The following NSRP1 variants were observed in gnomAD, a reference collection of about 807,000 sequenced individuals.
NSRP1 encodes coiled-coil domain containing 55.
NSRP1 carries 24 observed loss-of-function variants against 54.7 expected under a neutral mutation model. The ratio of observed to expected loss-of-function variants is 0.44; its 90% CI spans 0.32 to 0.62. NSRP1 has a LOEUF of 0.62. NSRP1 is among the 20% of genes least tolerant of loss of function. The pLI, the probability that NSRP1 is intolerant of heterozygous loss-of-function variation, is 0.06. For missense variants in NSRP1, 596 were observed against 651.2 expected (o/e 0.92, Z 0.92); for synonymous variants, 210 against 213.8 (o/e 0.98, Z 0.15).
chr17:30,164,797 C>CA (rs1321208725), intron 2 of NSRP1, among the ~76,000 whole-genome samples: 10 of 149,924 alleles, frequency 6.7e-5, no homozygotes, highest in African/African-American at 2.0e-4. Context: ...GACCCTGTCT[C>CA]AAAAAAAAAG....
chr17:30,151,944 T>C (rs2071915658), intron 2 of NSRP1, among the ~76,000 whole-genome samples: 1 of 151,800 alleles, frequency 6.6e-6, no homozygotes, highest in Non-Finnish European at 1.5e-5. Flanking sequence ...TAATTTTGTA[T>C]TTTTAGTAGA....
intron 2 of NSRP1, among the ~76,000 whole-genome samples, chr17:30,161,901 T>C (rs1187553741): frequency 6.6e-6 from 1 of 152,198 alleles, no homozygotes; most frequent in African/African-American, 2.4e-5. Context: ...ACCAACATGA[T>C]AGATGATAAA....
intron 2 of NSRP1, chr17:30,144,176 C>T (rs1344020810): frequency 6.6e-6 from 1 of 151,754 alleles, no homozygotes; most frequent in African/African-American, 2.4e-5. Context: ...TATGCTTCTC[C>T]CACCTTTTGC....
intron 2 of NSRP1, among the ~76,000 whole-genome samples, chr17:30,153,642 T>G (rs1275274747): frequency 6.6e-6 from 1 of 152,010 alleles, no homozygotes; most frequent in Non-Finnish European, 1.5e-5. Context: ...AAATAAAGTT[T>G]TATTGGAACA....
chr17:30,117,759 G>GTT (rs79120191), intron 1 of NSRP1, among the ~76,000 whole-genome samples: 19 of 115,088 alleles, frequency 1.7e-4, no homozygotes, highest in Admixed American at 1.6e-4. Flanking sequence ...CACTACACAT[G>GTT]TTTTTTTTTT....
Position 30,184,979 on chromosome 17 carries a change from C to T in NSRP1, c.982C>T (p.Gln328Ter). 1 of 1,613,982 alleles carries T rather than the reference C, an allele frequency of 6.2e-7. No individual in the cohort carries two copies. Among genetic ancestry groups the T allele is most frequent in the South Asian group, 1.1e-5 (1 of 91,064 alleles). Reference sequence around the variant, plus strand: ...GCACCAGCAGAAGCAATCCAGAGACCAAGAGAACCATTACACTGACCGTGA... The same window carrying T: ...GCACCAGCAGAAGCAATCCAGAGACTAAGAGAACCATTACACTGACCGTGA... ...DQHQQKQSRDQENHYTDRDYR... is the reference protein window; with the variant it reads ...DQHQQKQSRD The change falls in exon 7 of 7, where the codon CAA becomes TAA. Residue 328 changes from glutamine to a stop codon, truncating the protein, a stop_gained. Transcript: ENST00000247026. LOFTEE classifies it high-confidence loss of function.
At chr17:30,155,840 T>C (rs961363577) in intron 2 of NSRP1, among the ~76,000 whole-genome samples, 1 of 152,096 alleles carries the variant, frequency 6.6e-6, no homozygotes, top group Non-Finnish European at 1.5e-5. Context: ...TTTTATTTTA[T>C]TTATTTATTT....
intron 1 of NSRP1, 43 bp from the exon 2 acceptor site, chr17:30,118,036 TA>T: frequency 2.0e-6 from 3 of 1,472,046 alleles, no homozygotes; most frequent in Non-Finnish European, 2.8e-6. Context: ...TGTTAACATT[TA>T]AACATAAAGG....
At chr17:30,125,527 C>T (rs928645656) in intron 2 of NSRP1, among the ~76,000 whole-genome samples, 3 of 152,134 alleles carry the variant, frequency 2.0e-5, no homozygotes, top group African/African-American at 7.2e-5. Context: ...TAGTCTATCC[C>T]TTTTAATTAT....
rs760580732 is a variant in NSRP1, at chr17:30,116,862, C to A, written c.19C>A (p.Gln7Lys). ...GAGCAAGATGGCGATTCCGGGCAGG[C>A]AGTGAGTGATCCGGGAGTTAGGGTC... MAIPGR[Q>K]YGLILPKKTQ... Residue 7 changes from glutamine to lysine, a missense_variant and splice_region_variant, in exon 1 of 7, where the codon CAG becomes AAG. Physicochemically the swap from Gln to Lys is moderately conservative, Grantham distance 53 (BLOSUM62 1). Coordinates refer to ENST00000247026, the MANE Select transcript of NSRP1 (RefSeq NM_032141.4). 6.3e-7 allele frequency: 1 copy of A among 1,574,878 alleles called. No homozygotes were observed. Among genetic ancestry groups the A allele is most frequent in the Non-Finnish European group, 8.6e-7 (1 of 1,159,748 alleles).
chr17:30,182,486 A>G (rs1470005215), intron 6 of NSRP1, among the ~76,000 whole-genome samples: 2 of 151,960 alleles, frequency 1.3e-5, no homozygotes, highest in African/African-American at 4.8e-5. Flanking sequence ...TACTAAAAAT[A>G]CAAAAATTAG....
In NSRP1 at chr17:30,184,737, A is replaced by G. The variant is rs1597625124; in HGVS notation, c.740A>G (p.Asp247Gly). 1.9e-6 allele frequency: 3 copies of G among 1,614,182 alleles called. No individual in the cohort carries two copies. In the East Asian group the frequency reaches 6.7e-5, roughly 36 times the overall value. The change falls in exon 7 of 7, where the codon GAC becomes GGC. Residue 247 changes from aspartate to glycine, a missense_variant. Transcript: ENST00000247026. The part of the protein sequence containing the change: ...DVKVEENPDA[D>G]SDFDAKSSAD... Reference sequence around the variant, plus strand: ...AAAGTAGAGGAAAACCCAGATGCAGACAGTGACTTCGATGCTAAGAGCAGT... The same window carrying G: ...AAAGTAGAGGAAAACCCAGATGCAGGCAGTGACTTCGATGCTAAGAGCAGT...
At chr17:30,178,991 G>C in intron 4 of NSRP1, 99 bp from the exon 5 acceptor site, 1 of 655,842 alleles carries the variant, frequency 1.5e-6, no homozygotes, top group Non-Finnish European at 2.3e-6. Context: ...AATCTTATTT[G>C]GGCCAATCAT....
At chr17:30,121,578 T>TG (rs1177425329) in intron 2 of NSRP1, among the ~76,000 whole-genome samples, 14 of 151,106 alleles carry the variant, frequency 9.3e-5, no homozygotes, top group Non-Finnish European at 1.8e-4. Context: ...GTGTTTTTTT[T>TG]TTTTTTTGAG....
intron 2 of NSRP1, among the ~76,000 whole-genome samples, chr17:30,151,784 T>TC (rs1374883617): frequency 6.7e-6 from 1 of 149,504 alleles, no homozygotes; most frequent in Admixed American, 6.6e-5. Context: ...CTTTTTTTTT[T>TC]TTTTTTTTTT....
At chr17:30,145,604 A>T (rs1365750645) in intron 2 of NSRP1, among the ~76,000 whole-genome samples, 5 of 152,134 alleles carry the variant, frequency 3.3e-5, no homozygotes, top group Non-Finnish European at 5.9e-5. Flanking sequence ...TTCACTAAGT[A>T]CTGATAAATC....
At chr17:30,172,743 T>A (rs1904998290) in intron 3 of NSRP1, 145 bp downstream of exon 3, 2 of 555,454 alleles carry the variant, frequency 3.6e-6, no homozygotes, top group Non-Finnish European at 6.3e-6. Flanking sequence ...ATTGCTGTGC[T>A]ATAGATTAAA....
chr17:30,159,134 C>A (rs142258729), intron 2 of NSRP1, among the ~76,000 whole-genome samples: 26 of 152,154 alleles, frequency 1.7e-4, no homozygotes, highest in African/African-American at 6.0e-4. Flanking sequence ...TCTTTAATTT[C>A]TTTCATCAAT....
chr17:30,146,896 C>A (rs1210539826), intron 2 of NSRP1, among the ~76,000 whole-genome samples: 3 of 152,186 alleles, frequency 2.0e-5, no homozygotes, highest in Non-Finnish European at 4.4e-5. Flanking sequence ...TGAGCCTAAT[C>A]AGATTTACTG....
Sources: gnomAD v4.1 joint callset for allele counts (sites outside exome capture counted in the v4.1 genomes callset) on GRCh38, gnomAD v4.1.1 for gene constraint, MANE v1.5 for transcripts, NCBI Gene and HGNC (gene_info 2026-07-23, HGNC 2026-07-21) for gene names.